The following HDX variants were observed in gnomAD, a reference collection of about 807,000 sequenced individuals.
HDX encodes the protein chromosome X open reading frame 43.
In HDX, 19 loss-of-function variants were observed where a neutral mutation model predicts 45.2. The observed-to-expected ratio is 0.42, with a 90% CI of 0.29 to 0.62. The LOEUF (loss-of-function observed/expected upper bound fraction) is 0.62. Among genes scored for constraint, HDX ranks in the 20% least tolerant of loss-of-function variants. The probability of loss-of-function intolerance (pLI) is 0.20; values close to 1 mark genes in which losing one functional copy is unlikely to be tolerated. For missense variants in HDX, 532 were observed against 493.9 expected, an observed-to-expected ratio of 1.08 and a Z score of -0.73; for synonymous variants, 188 against 172.8, an observed-to-expected ratio of 1.09 and a Z score of -0.69.
chrX:84,454,420 C>T (rs1219795447), intron 4 of HDX, among the ~76,000 whole-genome samples: 5 of 111,492 alleles, frequency 4.5e-5, no homozygotes. Context: ...CTTGAGTGAA[C>T]ACTGGTAGTA....
At chrX:84,385,216 T>C (rs1372697107) in intron 5 of HDX, among the ~76,000 whole-genome samples, 3 of 68,346 alleles carry the variant, frequency 4.4e-5, no homozygotes, top group Admixed American at 1.8e-4. Flanking sequence ...TTTTTTTTTT[T>C]TTTTTTTTTT....
At chrX:84,447,831 A>C (rs1197072027) in intron 4 of HDX, among the ~76,000 whole-genome samples, 1 of 110,875 alleles carries the variant, frequency 9.0e-6, no homozygotes, top group Non-Finnish European at 1.9e-5. Context: ...ATTTAATAGC[A>C]CCTTGAGAAA....
intron 9 of HDX, among the ~76,000 whole-genome samples, chrX:84,330,476 C>CT (rs1272415982): frequency 9.0e-6 from 1 of 111,579 alleles, no homozygotes; most frequent in East Asian, 2.8e-4. Context: ...TAGTTAAAAA[C>CT]TTTTTTTACC....
chrX:84,475,349 G>T lies in HDX; in HGVS notation c.49C>A (p.Arg17Ser), dbSNP rs1002629693. 7.8e-6 allele frequency: 9 copies of T among 1,159,416 alleles called. No individual in the cohort carries two copies. Among genetic ancestry groups the T allele is most frequent in the Non-Finnish European group, 8.2e-6 (7 of 853,315 alleles). The change falls in exon 3 of 11, where the codon CGT becomes AGT. Residue 17 changes from arginine to serine, a missense_variant. Arg to Ser is a moderately radical substitution (Grantham distance 110, BLOSUM62 -1). Around this residue, in one of 3 missense-constraint regions of HDX, gnomAD observed 376 missense variants for 343.7 expected, o/e 1.09. Coordinates refer to ENST00000373177, the MANE Select transcript of HDX (RefSeq NM_001177479.2). ...FTVEQQRILQ[R>S]YYENGMTNQS... Reference sequence around the variant, plus strand: ...TTTGTCATTCCATTTTCATAATAACGCTGTAAAATCCTTTGTTGTTCTACA... The same window carrying T: ...TTTGTCATTCCATTTTCATAATAACTCTGTAAAATCCTTTGTTGTTCTACA...
At chrX:84,433,424 A>G (rs1273955754) in intron 5 of HDX, among the ~76,000 whole-genome samples, 1 of 111,495 alleles carries the variant, frequency 9.0e-6, no homozygotes, top group Non-Finnish European at 1.9e-5. Context: ...CAGTTTTTCC[A>G]TCACCATTTA....
chrX:84,368,530 A>T (rs1470370477), intron 5 of HDX, among the ~76,000 whole-genome samples: 1 of 112,043 alleles, frequency 8.9e-6, no homozygotes, highest in Non-Finnish European at 1.9e-5. Context: ...TAAGCCTCTT[A>T]TGTGACTTTT....
intron 5 of HDX, among the ~76,000 whole-genome samples, chrX:84,411,278 C>T (rs1463304023): frequency 9.0e-6 from 1 of 111,324 alleles, no homozygotes; most frequent in Admixed American, 9.6e-5. Flanking sequence ...ATCTTTCTAA[C>T]TTCTTCATGT....
In HDX at chrX:84,449,130, AAAAG is replaced by A. The variant is rs1479778417; in HGVS notation, c.1252-8549_1252-8546del. On this transcript the variant is annotated intron_variant, in intron 4 of 10. Transcript: ENST00000373177. ...CAGTCAGACAAAAAACAAAAGATAA[AAAAG>A]AATGAATAAAGCCTACATGACACAC... Among the ~76,000 whole-genome samples, 6 of 110,389 alleles carry A rather than the reference AAAAG, an allele frequency of 5.4e-5. No individual in the cohort carries two copies. In the Admixed American group the frequency reaches 5.8e-4, roughly 11 times the overall value.
In HDX at chrX:84,405,662, A is replaced by ATGTGTG. The variant is rs200777059; in HGVS notation, c.1305+34869_1305+34870insCACACA. On this transcript the variant is annotated intron_variant, in intron 5 of 10. Coordinates refer to ENST00000373177, the MANE Select transcript of HDX (RefSeq NM_001177479.2). ...CCTCACAAGCTATATATATATATAT[A>ATGTGTG]TATGTGTGTGTGTGTGTGTGTGTGT... 4.9e-4 allele frequency among the ~76,000 whole-genome samples: 44 copies of ATGTGTG among 89,209 alleles called. No homozygotes were observed. In the East Asian group the frequency reaches 6.9e-3, roughly 14 times the overall value. The allele number at this position is 89,209 out of a possible 115,157, so 77.5% of individuals were successfully genotyped here. A position where few individuals can be genotyped will look rare whatever the true frequency, so the allele number is the denominator to read the frequency against.
chrX:84,406,154 T>A (rs2038814632), intron 5 of HDX, among the ~76,000 whole-genome samples: 1 of 110,692 alleles, frequency 9.0e-6, no homozygotes, highest in South Asian at 3.8e-4. Flanking sequence ...TTCTGCACCA[T>A]AAGGCCAGAA....
intron 4 of HDX, among the ~76,000 whole-genome samples, chrX:84,465,224 G>T (rs1459538731): frequency 1.8e-5 from 2 of 111,969 alleles, no homozygotes; most frequent in Non-Finnish European, 3.8e-5. Flanking sequence ...CTGTTGGTGG[G>T]AATGTAAATT....
At chrX:84,440,733 A>T (rs1299322632) in intron 4 of HDX, 148 bp from the exon 5 acceptor site, 11 of 400,980 alleles carry the variant, frequency 2.7e-5, no homozygotes, top group Non-Finnish European at 4.6e-5. Context: ...TCCTTATTGA[A>T]CTCAACAGAT....
At chrX:84,334,661 T>TTG (rs1555979787) in intron 8 of HDX, among the ~76,000 whole-genome samples, 1 of 55,789 alleles carries the variant, frequency 1.8e-5, no homozygotes, top group South Asian at 7.1e-4. Context: ...GTGATTTTTT[T>TTG]AAAAAAAAAG....
chrX:84,422,041 A>G lies in HDX; in HGVS notation c.1305+18491T>C, dbSNP rs1374251899. Among the ~76,000 whole-genome samples the G allele has an allele frequency of 4.5e-5, 5 of 110,777 alleles. No homozygotes were observed. In the South Asian group the frequency reaches 1.5e-3, roughly 34 times the overall value. On this transcript the variant is annotated intron_variant, in intron 5 of 10. Transcript: ENST00000373177. Reference sequence around the variant, plus strand: ...AAAAAAAAAAAAAGACATAATCTTCAGTGTAGACCAAATGGATGAATATTT... The same window carrying G: ...AAAAAAAAAAAAAGACATAATCTTCGGTGTAGACCAAATGGATGAATATTT...
At chrX:84,488,205 T>A (rs1314899916) in intron 1 of HDX, 73 bp from the exon 2 acceptor site, 4 of 110,764 alleles carry the variant, frequency 3.6e-5, no homozygotes, top group African/African-American at 6.6e-5. Context: ...TAGCACTGCA[T>A]TTTTAAAATT....
intron 4 of HDX, among the ~76,000 whole-genome samples, chrX:84,462,754 A>T (rs2040267131): frequency 9.0e-6 from 1 of 111,139 alleles, no homozygotes; most frequent in Non-Finnish European, 1.9e-5. Flanking sequence ...TGAAATAGAA[A>T]TTTTCTCTAC....
chrX:84,341,117 C>A (rs2037075647), intron 7 of HDX, among the ~76,000 whole-genome samples: 1 of 110,760 alleles, frequency 9.0e-6, no homozygotes, highest in South Asian at 3.8e-4. Context: ...AATATTTTCT[C>A]TCAGCTCACC....
At chrX:84,495,722 T>C (rs2040987198) in intron 1 of HDX, among the ~76,000 whole-genome samples, 2 of 111,511 alleles carry the variant, frequency 1.8e-5, no homozygotes, top group South Asian at 7.5e-4. Context: ...GATCCAAAGA[T>C]AGATTTTGTC....
chrX:84,368,844 C>T (rs955764952), intron 5 of HDX, among the ~76,000 whole-genome samples: 2 of 110,985 alleles, frequency 1.8e-5, no homozygotes, highest in African/African-American at 6.6e-5. Flanking sequence ...ACTGTTTTAC[C>T]TCACATCAGC....
Sources: allele counts gnomAD v4.1 joint callset (sites outside exome capture counted in the v4.1 genomes callset), GRCh38; gene constraint gnomAD v4.1.1; regional missense constraint gnomAD v4.1.1; transcripts MANE v1.5; gene names NCBI Gene and HGNC (gene_info 2026-07-23, HGNC 2026-07-21).